GLI2: variants seen among roughly 807,000 people sequenced by gnomAD.
GLI2 encodes GLI family zinc finger 2.
Under a neutral mutation model 78.9 loss-of-function variants are expected in GLI2, and 22 were observed. The ratio of observed to expected loss-of-function variants is 0.28; its 90% confidence interval spans 0.20 to 0.40. The LOEUF (loss-of-function observed/expected upper bound fraction) is 0.40, where lower values mean the gene tolerates loss of function less well. GLI2 is among the 10% of genes least tolerant of loss of function. The pLI is 1.00. For synonymous variants in GLI2, 974 were observed against 963.7 expected (o/e 1.01, Z -0.20); for missense variants, 2,097 against 2,213.2 (o/e 0.95, Z 1.05).
chr2:120,938,419 G>A (rs1680295097), intron 3 of GLI2, among the ~76,000 whole-genome samples: 1 of 152,254 alleles, frequency 6.6e-6, no homozygotes, highest in Non-Finnish European at 1.5e-5. Context: ...GATAAAGGGT[G>A]AGTGCATGAA....
intron 3 of GLI2, among the ~76,000 whole-genome samples, chr2:120,943,595 C>A (rs1384685056): frequency 2.6e-5 from 4 of 152,224 alleles, no homozygotes; most frequent in Non-Finnish European, 5.9e-5. Context: ...CCGCTGCTGC[C>A]GCTGGCCTCA....
chr2:120,911,773 G>A (rs994275814), intron 2 of GLI2, among the ~76,000 whole-genome samples: 6 of 151,944 alleles, frequency 3.9e-5, no homozygotes, highest in Non-Finnish European at 7.4e-5. Context: ...AGGCAGGCTC[G>A]TGTGGACTGG....
chr2:120,809,166 A>G (rs1573408826), intron 2 of GLI2, among the ~76,000 whole-genome samples: 2 of 152,374 alleles, frequency 1.3e-5, no homozygotes, highest in South Asian at 2.1e-4. Context: ...TGTATGTACA[A>G]TGGAATATTA....
rs772580797 is a variant in GLI2, at chr2:120,874,277, C to T, written c.149-53084C>T. Among the ~76,000 whole-genome samples, 6 of 152,268 alleles carry T rather than the reference C, an allele frequency of 3.9e-5. 1 individual carries two copies. In the South Asian group the frequency reaches 8.3e-4, roughly 21 times the overall value. ...TGGCTGGCCGGCCCTTTTCAAAAAT[C>T]GGCTGGGTGTTATGAAACTTTATTT... On this transcript the variant is annotated intron_variant, in intron 2 of 13. Transcript: ENST00000361492.
At chr2:120,888,230 T>C (rs577609890) in intron 2 of GLI2, among the ~76,000 whole-genome samples, 3 of 152,200 alleles carry the variant, frequency 2.0e-5, no homozygotes, top group Non-Finnish European at 2.9e-5. Context: ...GCTGTTTCTC[T>C]GGGGGTAAAC....
Position 120,797,619 on chromosome 2 carries a change from G to A in GLI2, c.148+151G>A, listed in dbSNP as rs1006681888. 5 of 756,156 alleles carry A rather than the reference G, an allele frequency of 6.6e-6. No individual in the cohort carries two copies. The Admixed American group carries it at 1.3e-4, about 20-fold the overall frequency. 46.8% of individuals were successfully genotyped at this position (756,156 alleles called of 1,614,324 possible). A position where few individuals can be genotyped will look rare whatever the true frequency, so the allele number is the denominator to read the frequency against. ...GGCACCTCTGCTCCCAGGAATCCCA[G>A]GCACCATGAAGGTCACCTGTGAGTT... On this transcript the variant is annotated intron_variant, in intron 2 of 13. Transcript: ENST00000361492.
intron 7 of GLI2, among the ~76,000 whole-genome samples, chr2:120,970,969 G>A (rs980716429): frequency 6.6e-6 from 1 of 152,200 alleles, no homozygotes; most frequent in Non-Finnish European, 1.5e-5. Flanking sequence ...TTTGCAGCAG[G>A]CTTTCACACA....
chr2:120,989,461 T>A lies in GLI2; in HGVS notation c.3496T>A (p.Tyr1166Asn). ...GCAGCAGAAGCCTGCCTTTGGCCAG[T>A]ACCCGGGCTACAGTCCGCAAGGCCT... ...VVQQKPAFGQYPGYSPQGLQA... is the reference protein window; with the variant it reads ...VVQQKPAFGQNPGYSPQGLQA... Residue 1166 changes from tyrosine to asparagine, a missense_variant, in exon 14 of 14, where the codon TAC becomes AAC. Physicochemically the swap from Tyr to Asn is moderately radical, Grantham distance 143. Coordinates refer to ENST00000361492, the MANE Select transcript of GLI2 (RefSeq NM_001374353.1). 1 of 1,613,090 alleles carries A rather than the reference T, an allele frequency of 6.2e-7. No homozygotes were observed. Among genetic ancestry groups the A allele is most frequent in the Non-Finnish European group, 8.5e-7 (1 of 1,179,980 alleles).
chr2:120,799,962 A>T (rs1263444011), intron 2 of GLI2, among the ~76,000 whole-genome samples: 1 of 152,168 alleles, frequency 6.6e-6, no homozygotes, highest in Non-Finnish European at 1.5e-5. Flanking sequence ...AGGTCTCAGC[A>T]TCTGGTGCTG....
intron 2 of GLI2, among the ~76,000 whole-genome samples, chr2:120,861,710 T>C (rs1196844402): frequency 6.6e-6 from 1 of 152,148 alleles, no homozygotes; most frequent in Non-Finnish European, 1.5e-5. Flanking sequence ...CTGAGCCCTT[T>C]GTTAATACAG....
Position 120,930,491 on chromosome 2 carries a change from G to A in GLI2, c.254+3025G>A, listed in dbSNP as rs944309457. On this transcript the variant is annotated intron_variant, in intron 3 of 13. Transcript: ENST00000361492. ...GCATGCTGGCCTTTCTTGTGGGAGC[G>A]TAAGTATGGACCATGGGTCCCTCTG... Among the ~76,000 whole-genome samples the A allele has an allele frequency of 4.6e-5, 7 of 152,200 alleles. No homozygotes were observed. In the South Asian group the frequency reaches 6.2e-4, roughly 13 times the overall value.
At chr2:120,870,914 C>T (rs758229291) in intron 2 of GLI2, among the ~76,000 whole-genome samples, 4 of 152,246 alleles carry the variant, frequency 2.6e-5, no homozygotes, top group Admixed American at 6.5e-5. Flanking sequence ...AGTCCTGGGC[C>T]GCCACAGAAA....
At position 120,966,032 on chromosome 2, in the gene GLI2, C is replaced by T. The variant is rs58238480; in HGVS notation, c.644-2682C>T. 1.4e-4 allele frequency among the ~76,000 whole-genome samples: 21 copies of T among 152,272 alleles called. No homozygotes were observed. In the East Asian group the frequency reaches 2.7e-3, roughly 20 times the overall value. On this transcript the variant is annotated intron_variant, in intron 5 of 13. Transcript: ENST00000361492. ...CTTCATAGCCCAATAGAATAAACAG[C>T]GAAAGCAGAAAGTTTAGCTGACAAG...
At chr2:120,980,005 A>G (rs1035093997) in intron 10 of GLI2, among the ~76,000 whole-genome samples, 1 of 152,202 alleles carries the variant, frequency 6.6e-6, no homozygotes, top group Non-Finnish European at 1.5e-5. Context: ...ATAATACTCC[A>G]TTGTATGGAT....
intron 5 of GLI2, among the ~76,000 whole-genome samples, chr2:120,956,735 G>A (rs1015522930): frequency 4.6e-5 from 7 of 152,056 alleles, no homozygotes; most frequent in African/African-American, 7.2e-5. Context: ...CAGGGAGACC[G>A]TCCTGCAGGG....
At chr2:120,833,257 A>C (rs1686451459) in intron 2 of GLI2, among the ~76,000 whole-genome samples, 1 of 150,742 alleles carries the variant, frequency 6.6e-6, no homozygotes, top group Non-Finnish European at 1.5e-5. Flanking sequence ...TCTCAGGGCC[A>C]GAGGCAGTAT....
In GLI2 at chr2:120,991,980, G is replaced by A. The variant is rs1683308165; in HGVS notation, c.*1305G>A. On this transcript the variant is annotated 3_prime_UTR_variant, in exon 14 of 14. Transcript: ENST00000361492. ...AGACATCATTCCTGAACACACTGTA[G>A]GGTGAATTGGTGCATCTTCCCCACC... The A allele has an allele frequency of 6.7e-6, 1 of 150,100 alleles. No individual in the cohort carries two copies. Among genetic ancestry groups the A allele is most frequent in the African/African-American group, 2.5e-5 (1 of 40,106 alleles). The allele number at this position is 150,100 out of a possible 1,614,324, so 9.3% of individuals were successfully genotyped here. A position where few individuals can be genotyped will look rare whatever the true frequency, so the allele number is the denominator to read the frequency against.
At chr2:120,973,646 C>T (rs182685109) in intron 8 of GLI2, among the ~76,000 whole-genome samples, 5 of 152,344 alleles carry the variant, frequency 3.3e-5, no homozygotes, top group Admixed American at 6.5e-5. Flanking sequence ...AGCCCCCAGA[C>T]GATCCCATTG....
intron 5 of GLI2, among the ~76,000 whole-genome samples, chr2:120,961,265 G>A (rs1415593383): frequency 2.6e-5 from 4 of 152,152 alleles, no homozygotes; most frequent in Non-Finnish European, 5.9e-5. Context: ...CTGTGGATCC[G>A]GGGGGTTTTC....
Sources: gnomAD v4.1 joint callset for allele counts (sites outside exome capture counted in the v4.1 genomes callset) on GRCh38, gnomAD v4.1.1 for gene constraint, MANE v1.5 for transcripts, NCBI Gene and HGNC (gene_info 2026-07-23, HGNC 2026-07-21) for gene names.